The following LRRC56 variants were observed in gnomAD, a reference collection of about 807,000 sequenced individuals.
LRRC56 encodes leucine rich repeat containing 56.
LRRC56 carries 41 observed loss-of-function variants against 47.8 expected under a neutral mutation model. That is an observed-to-expected ratio of 0.86 (90% CI 0.67 to 1.11). LRRC56 has a LOEUF of 1.11. LRRC56 is among the 50% of genes most tolerant of loss of function. LRRC56 has a pLI of 0.00. For synonymous variants in LRRC56, 387 were observed against 311.2 expected, an observed-to-expected ratio of 1.24 and a Z score of -2.56; for missense variants, 759 against 704.2, an observed-to-expected ratio of 1.08 and a Z score of -0.88.
chr11:542,580 CAAAA>C (rs71022928), intron 5 of LRRC56, among the ~76,000 whole-genome samples: 3 of 26,002 alleles, frequency 1.2e-4, no homozygotes, highest in African/African-American at 4.3e-4. Flanking sequence ...AACCCTGTCG[CAAAA>C]AAAAAAAAAA....
At chr11:533,186 C>T (rs1279202979), upstream of LRRC56, 2 of 1,197,970 alleles carry the variant, frequency 1.7e-6, no homozygotes, top group Non-Finnish European at 2.3e-6. Context: ...CCTCCGCCTT[C>T]CCCGGAGCTG....
In LRRC56 at chr11:544,780, G is replaced by A; in HGVS notation, c.326G>A (p.Arg109Lys). ...AACGGCAGCCACCTGGGCTCCCTGA[G>A]GTGAGCGCCTGAGGGGGGTGGGCTG... ...KLNGSHLGSL[R>K]DLGTSLGHLQ... The change falls in exon 6 of 14, where the codon AGG becomes AAG. Residue 109 changes from arginine to lysine, a missense_variant and splice_region_variant. Physicochemically the swap from Arg to Lys is conservative, Grantham distance 26 (BLOSUM62 2). Coordinates refer to ENST00000270115, the MANE Select transcript of LRRC56 (RefSeq NM_198075.4). The A allele has an allele frequency of 1.2e-6, 2 of 1,612,322 alleles. No individual in the cohort carries two copies. Among genetic ancestry groups the A allele is most frequent in the African/African-American group, 1.3e-5 (1 of 74,940 alleles).
upstream of LRRC56, chr11:534,227 G>A (rs369039481): frequency 2.9e-5 from 46 of 1,612,162 alleles, no homozygotes; most frequent in Non-Finnish European, 3.6e-5. Context: ...TAGTGGGGTC[G>A]TATTCGTCCA....
chr11:532,630 C>A, upstream of LRRC56: 1 of 1,610,412 alleles, frequency 6.2e-7, no homozygotes, highest in South Asian at 1.1e-5. Context: ...GTCCCCCTCA[C>A]CTGCGTCAGG....
At chr11:550,978 C>T (rs1244172003) in intron 8 of LRRC56, among the ~76,000 whole-genome samples, 153 bp from the exon 9 acceptor site, 1 of 152,132 alleles carries the variant, frequency 6.6e-6, no homozygotes, top group Non-Finnish European at 1.5e-5. Flanking sequence ...GAGAGTGACC[C>T]AAGCCCACCC....
At chr11:551,104 T>TCCCTCG in intron 8 of LRRC56, 27 bp from the exon 9 acceptor site, 2 of 873,950 alleles carry the variant, frequency 2.3e-6, no homozygotes, top group Non-Finnish European at 3.3e-6. Context: ...AGACCTGCCC[T>TCCCTCG]CCCTCCCCCT....
chr11:526,754 T>C, the LRRC56 span, among the ~76,000 whole-genome samples: 4 of 150,882 alleles, frequency 2.7e-5, no homozygotes, highest in African/African-American at 9.8e-5. Context: ...CTGGCCAACA[T>C]GGCAAAACCC....
At chr11:533,980 C>A (rs1851291443), upstream of LRRC56, 1 of 1,600,118 alleles carries the variant, frequency 6.2e-7, no homozygotes, top group Non-Finnish European at 8.5e-7. Context: ...CCCCTCAGGA[C>A]CTTCCGTGGG....
chr11:537,826 G>A (rs1851596506), intron 1 of LRRC56, among the ~76,000 whole-genome samples: 1 of 152,200 alleles, frequency 6.6e-6, no homozygotes, highest in South Asian at 2.1e-4. Flanking sequence ...GACAGGAGGG[G>A]CCCCAAGCCC....
chr11:518,225 T>C, the LRRC56 span, among the ~76,000 whole-genome samples: 2 of 151,944 alleles, frequency 1.3e-5, no homozygotes, highest in Admixed American at 1.3e-4. Flanking sequence ...CTCTGTCGCC[T>C]AGGCTGGAGT....
chr11:534,407 A>AGGCCCAGCCCCAGGCCCC, upstream of LRRC56: 2 of 709,990 alleles, frequency 2.8e-6, no homozygotes, highest in Non-Finnish European at 4.1e-6. Context: ...AGCCAGGCCC[A>AGGCCCAGCCCCAGGCCCC]GGCCCAGCCC....
the LRRC56 span, among the ~76,000 whole-genome samples, chr11:515,096 G>C: frequency 6.6e-6 from 1 of 152,126 alleles, no homozygotes; most frequent in African/African-American, 2.4e-5. Flanking sequence ...TCCTCCTCCT[G>C]AAGTTGGGGT....
At chr11:542,939 A>C (rs1851876245) in intron 5 of LRRC56, among the ~76,000 whole-genome samples, 1 of 151,614 alleles carries the variant, frequency 6.6e-6, no homozygotes. Context: ...TCTGTCGCCC[A>C]GGCTGGAGTG....
chr11:551,036 C>T (rs1387055038), intron 8 of LRRC56, 95 bp from the exon 9 acceptor site: 17 of 731,226 alleles, frequency 2.3e-5, no homozygotes, highest in East Asian at 1.3e-4. Flanking sequence ...CCCTGCCCCA[C>T]GGTGGGTCTG....
chr11:522,123 C>G, the LRRC56 span, among the ~76,000 whole-genome samples: 1 of 151,964 alleles, frequency 6.6e-6, no homozygotes, highest in Admixed American at 6.6e-5. Flanking sequence ...CTCTGTCATG[C>G]AGGCTGGAGT....
At chr11:546,856 G>A (rs921344244) in intron 6 of LRRC56, among the ~76,000 whole-genome samples, 5 of 151,946 alleles carry the variant, frequency 3.3e-5, no homozygotes, top group Non-Finnish European at 4.4e-5. Context: ...TTCAAGATCC[G>A]CCTGGCTAAC....
At chr11:522,170 G>A in the LRRC56 span, among the ~76,000 whole-genome samples, 32,263 of 151,576 alleles carry the variant, frequency 0.21, 3,740 homozygotes, top group African/African-American at 0.3. Context: ...AGTCTCAACC[G>A]CCTGGGTTCA....
chr11:543,897 C>T (rs1200870576), intron 5 of LRRC56, among the ~76,000 whole-genome samples: 3 of 152,184 alleles, frequency 2.0e-5, no homozygotes, highest in Non-Finnish European at 4.4e-5. Flanking sequence ...TACAGGCGCC[C>T]GCCACCATAC....
the LRRC56 span, among the ~76,000 whole-genome samples, chr11:518,897 C>CGGGG: frequency 8.0e-6 from 1 of 124,506 alleles, no homozygotes; most frequent in African/African-American, 3.4e-5. Context: ...TCTGAGGGAC[C>CGGGG]GGGGCGGGGG....
Sources: gnomAD v4.1 joint callset for allele counts (sites outside exome capture counted in the v4.1 genomes callset) on GRCh38, gnomAD v4.1.1 for gene constraint, MANE v1.5 for transcripts, NCBI Gene and HGNC (gene_info 2026-07-23, HGNC 2026-07-21) for gene names.